Variants in AAGAB observed in about 807,000 individuals in gnomAD.
The protein encoded by AAGAB is alpha and gamma adaptin binding protein, also known as alpha- and gamma-adaptin-binding protein p34.
In AAGAB, 38 loss-of-function variants were observed where a neutral mutation model predicts 44.1. That is an observed-to-expected ratio of 0.86 (90% CI 0.67 to 1.13). The LOEUF (loss-of-function observed/expected upper bound fraction) is 1.13, where lower values mean the gene tolerates loss of function less well. Ranked by LOEUF, AAGAB falls within the 50% of genes most tolerant of loss-of-function variation. The pLI, the probability that AAGAB is intolerant of heterozygous loss-of-function variation, is 0.00. For synonymous variants in AAGAB, 131 were observed against 131.8 expected (o/e 0.99, Z 0.04); for missense variants, 450 against 373.8 (o/e 1.20, Z -1.68).
intron 1 of AAGAB, among the ~76,000 whole-genome samples, chr15:67,250,477 C>CG (rs1300014717): frequency 6.6e-6 from 1 of 152,048 alleles, no homozygotes; most frequent in East Asian, 1.9e-4. Flanking sequence ...ATGCCTGGCA[C>CG]ATGGAGGATA....
intron 4 of AAGAB, 25 bp from the exon 5 acceptor site, chr15:67,231,922 T>A: frequency 1.9e-6 from 3 of 1,559,020 alleles, no homozygotes; most frequent in Non-Finnish European, 2.7e-6. Flanking sequence ...GAAATATATA[T>A]ATTTATATGC....
Position 67,236,457 on chromosome 15 carries a change from T to G in AAGAB, c.312A>C (p.Ala104=), listed in dbSNP as rs745640728. Reference sequence around the variant, plus strand: ...CCAAGATCATCACCTCAGGTAACCATGCTTTTGCCAGTGGAAGCCATGAGG... The same window carrying G: ...CCAAGATCATCACCTCAGGTAACCAGGCTTTTGCCAGTGGAAGCCATGAGG... The part of the protein sequence containing the change: ...SVSSWLPLAK[A]WLPEVMILVC... The change falls in exon 3 of 10, where the codon GCA becomes GCC. Residue 104 remains alanine (A), a synonymous_variant. Transcript: ENST00000261880. 2 of 1,613,990 alleles carry G rather than the reference T, an allele frequency of 1.2e-6. No homozygotes were observed. The highest frequency in any genetic ancestry group is 1.7e-6 in the Non-Finnish European group (2 of 1,179,998).
chr15:67,238,141 G>C (rs1258160439), intron 1 of AAGAB, among the ~76,000 whole-genome samples: 2 of 151,936 alleles, frequency 1.3e-5, no homozygotes, highest in African/African-American at 4.8e-5. Flanking sequence ...ATAAATTTAA[G>C]GTTTTATTTT....
At chr15:67,208,463 C>A in intron 7 of AAGAB, 99 bp downstream of exon 7, 1 of 1,050,766 alleles carries the variant, frequency 9.5e-7, no homozygotes, top group South Asian at 1.5e-5. Context: ...TTTTTCCCTT[C>A]TCTGTGTTTA....
chr15:67,248,706 C>A (rs1424354604), intron 1 of AAGAB, among the ~76,000 whole-genome samples: 7 of 152,194 alleles, frequency 4.6e-5, no homozygotes, highest in South Asian at 4.1e-4. Flanking sequence ...CAGAAGAATG[C>A]ATGTTTTCCA....
At chr15:67,253,709 G>A (rs185226006) in intron 1 of AAGAB, among the ~76,000 whole-genome samples, 1 of 151,222 alleles carries the variant, frequency 6.6e-6, no homozygotes, top group Non-Finnish European at 1.5e-5. Flanking sequence ...AGCTATGATC[G>A]CATCACTGCA....
At chr15:67,248,335 C>T (rs990307271) in intron 1 of AAGAB, among the ~76,000 whole-genome samples, 4 of 152,108 alleles carry the variant, frequency 2.6e-5, no homozygotes, top group African/African-American at 9.7e-5. Flanking sequence ...AACTCTAGGC[C>T]CTTGTGGTAC....
chr15:67,245,429 CA>C, intron 1 of AAGAB, among the ~76,000 whole-genome samples: 1 of 152,234 alleles, frequency 6.6e-6, no homozygotes, highest in South Asian at 2.1e-4. Flanking sequence ...GTAGAAAAGG[CA>C]AATCTATAAT....
At position 67,208,616 on chromosome 15, in the gene AAGAB, C is replaced by T; in HGVS notation, c.661G>A (p.Asp221Asn). The change falls in exon 7 of 10, where the codon GAT becomes AAT. Residue 221 changes from aspartate to asparagine, a missense_variant. By Grantham distance (23) the Asp-to-Asn change is conservative. Transcript: ENST00000261880. ...GTGTTAGATGCACCACCCCGATGAT[C>T]AGAGAGGGATTCAGTACTATCTGCT... Reference protein sequence around the residue: ...PAADSTESLSDHRGGASNTTD... With the variant: ...PAADSTESLSNHRGGASNTTD... 6.2e-7 allele frequency: 1 copy of T among 1,614,156 alleles called. No homozygotes were observed. Among genetic ancestry groups the T allele is most frequent in the East Asian group, 2.2e-5 (1 of 44,886 alleles).
intron 1 of AAGAB, among the ~76,000 whole-genome samples, chr15:67,237,858 T>C (rs567599396): frequency 5.2e-4 from 79 of 152,310 alleles, no homozygotes; most frequent in African/African-American, 1.8e-3. Context: ...AAACTCATAA[T>C]TAGCAAGACA....
intron 5 of AAGAB, among the ~76,000 whole-genome samples, chr15:67,228,818 T>C (rs1785041905): frequency 6.6e-6 from 1 of 152,144 alleles, no homozygotes; most frequent in South Asian, 2.1e-4. Flanking sequence ...AGTCATCTCC[T>C]TTGCAGCAAC....
At position 67,202,571 on chromosome 15, in the gene AAGAB, CAAAA is replaced by C; in HGVS notation, c.*246_*249del. The C allele has an allele frequency of 2.2e-6, 1 of 455,784 alleles. No homozygotes were observed. The allele number at this position is 455,784 out of a possible 1,614,324, so 28.2% of individuals were successfully genotyped here. ...ATTTATCCTACCCTCATTCCTAGAA[CAAAA>C]AAAAAGTATATTTAAGAAATCCTCA... On this transcript the variant is annotated 3_prime_UTR_variant, in exon 10 of 10. Coordinates refer to ENST00000261880, the MANE Select transcript of AAGAB (RefSeq NM_024666.5).
upstream of AAGAB, chr15:67,255,183 C>G: frequency 1.7e-6 from 1 of 582,034 alleles, no homozygotes; most frequent in Non-Finnish European, 3.1e-6. Flanking sequence ...TCTGGGAAAA[C>G]TCTAAAACCG....
intron 1 of AAGAB, among the ~76,000 whole-genome samples, chr15:67,247,214 C>A (rs1344604656): frequency 1.3e-5 from 2 of 150,766 alleles, no homozygotes; most frequent in African/African-American, 2.5e-5. Context: ...CGGACACTCA[C>A]AACGAGGGTT....
intron 1 of AAGAB, among the ~76,000 whole-genome samples, chr15:67,248,370 CT>C (rs1964778885): frequency 6.6e-6 from 1 of 152,172 alleles, no homozygotes; most frequent in South Asian, 2.1e-4. Context: ...ATCTTCCATT[CT>C]TTGAAGAAAA....
rs746488412 is a variant in AAGAB at position 67,231,868 on chromosome 15, G to A, written c.481C>T (p.Arg161Ter). ...TTGGCATTCAGGGCTTGGACAATTC[G>A]CTTTACTCCTGTAGATTCTGGGAAG... ...DDFPESTGVK[R>*]IVQALNANVW... The change falls in exon 5 of 10, where the codon CGA (arginine) becomes TGA (stop). Residue 161 changes from arginine to a stop codon, truncating the protein, a stop_gained. Transcript: ENST00000261880. LOFTEE classifies it high-confidence loss of function. 5.0e-6 allele frequency: 8 copies of A among 1,611,806 alleles called. No homozygotes were observed. Among genetic ancestry groups the A allele is most frequent in the Admixed American group, 1.7e-5 (1 of 59,960 alleles).
chr15:67,214,930 G>A (rs1024177821), intron 5 of AAGAB, among the ~76,000 whole-genome samples: 1 of 151,572 alleles, frequency 6.6e-6, no homozygotes, highest in Admixed American at 6.6e-5. Flanking sequence ...GTGAGCCACG[G>A]CACCCGGCAG....
Position 67,236,524 on chromosome 15 carries a change from TAAACAAACA to T in AAGAB, c.265-29_265-21del. On this transcript the variant is annotated intron_variant, in intron 2 of 9. Transcript: ENST00000261880. ...CGATTTCTAGAGGGAACAAAAAATA[TAAACAAACA>T]AAAACAGAAAAGAGATAGTCAGACA... 1 of 1,610,658 alleles carries T rather than the reference TAAACAAACA, an allele frequency of 6.2e-7. No individual in the cohort carries two copies. Among genetic ancestry groups the T allele is most frequent in the Non-Finnish European group, 8.5e-7 (1 of 1,177,760 alleles).
chr15:67,227,989 T>C (rs964763608), intron 5 of AAGAB, among the ~76,000 whole-genome samples: 6 of 152,314 alleles, frequency 3.9e-5, no homozygotes, highest in Middle Eastern at 3.4e-3. Context: ...CAAAGAACCA[T>C]GAAAAAATCC....
Sources: allele counts gnomAD v4.1 joint callset (sites outside exome capture counted in the v4.1 genomes callset), GRCh38; gene constraint gnomAD v4.1.1; transcripts MANE v1.5; gene names NCBI Gene and HGNC (gene_info 2026-07-23, HGNC 2026-07-21).